The following NAE1 variants were observed in gnomAD, a reference collection of about 807,000 sequenced individuals.
The protein encoded by NAE1 is NEDD8-activating enzyme E1 regulatory subunit.
In NAE1, 59 loss-of-function variants were observed where a neutral mutation model predicts 88.0. The ratio of observed to expected loss-of-function variants is 0.67; its 90% CI spans 0.54 to 0.83. NAE1 has a LOEUF of 0.83. NAE1 is among the 40% of genes least tolerant of loss of function. The probability of loss-of-function intolerance (pLI) is 0.00; values close to 1 mark genes in which losing one functional copy is unlikely to be tolerated. For missense variants in NAE1, 554 were observed against 632.8 expected (o/e 0.88, Z 1.34); for synonymous variants, 186 against 208.9 (o/e 0.89, Z 0.95).
chr16:66,806,313 C>T (rs1959561712), intron 17 of NAE1, among the ~76,000 whole-genome samples: 1 of 152,130 alleles, frequency 6.6e-6, no homozygotes, highest in Non-Finnish European at 1.5e-5. Flanking sequence ...GATAGAAGAA[C>T]TTAATGAATG....
At chr16:66,805,667 T>A in intron 19 of NAE1, 110 bp downstream of exon 19, 16 of 819,436 alleles carry the variant, frequency 2.0e-5, no homozygotes, top group Non-Finnish European at 2.2e-5. Flanking sequence ...AAATATAACA[T>A]CCTGCTTCAC....
intron 6 of NAE1, among the ~76,000 whole-genome samples, chr16:66,822,005 GACC>G (rs2145343530): frequency 6.6e-6 from 1 of 152,136 alleles, no homozygotes; most frequent in South Asian, 2.1e-4. Flanking sequence ...GAGTAGCTGG[GACC>G]ACAAGCAGGC....
At chr16:66,828,754 G>A (rs1960572124) in intron 1 of NAE1, among the ~76,000 whole-genome samples, 1 of 152,134 alleles carries the variant, frequency 6.6e-6, no homozygotes, top group Non-Finnish European at 1.5e-5. Flanking sequence ...CACTTTGGGA[G>A]GCTGAGGCAG....
At chr16:66,830,580 G>A (rs1425661589) in intron 1 of NAE1, among the ~76,000 whole-genome samples, 4 of 152,206 alleles carry the variant, frequency 2.6e-5, no homozygotes, top group South Asian at 2.1e-4. Flanking sequence ...CAACGGGGCC[G>A]GCAGCCGCCT....
intron 11 of NAE1, among the ~76,000 whole-genome samples, chr16:66,814,628 CAA>C: frequency 6.7e-6 from 1 of 149,646 alleles, no homozygotes; most frequent in South Asian, 2.2e-4. Flanking sequence ...CACACACACA[CAA>C]ATCATAGGCT....
intron 1 of NAE1, among the ~76,000 whole-genome samples, chr16:66,829,555 T>A (rs1432670307): frequency 6.6e-6 from 1 of 152,196 alleles, no homozygotes; most frequent in Admixed American, 6.5e-5. Flanking sequence ...GCCTAAAGCC[T>A]CTACTACAGC....
chr16:66,816,837 T>C, intron 10 of NAE1, 128 bp downstream of exon 10: 1 of 1,452,702 alleles, frequency 6.9e-7, no homozygotes, highest in East Asian at 2.3e-5. Flanking sequence ...TCTTAACTTC[T>C]CCAGAAGGAA....
chr16:66,818,222 AT>A (rs968505373), intron 8 of NAE1, among the ~76,000 whole-genome samples: 2 of 151,156 alleles, frequency 1.3e-5, no homozygotes, highest in Non-Finnish European at 1.5e-5. Context: ...ATTCTTTCTA[AT>A]TTTTTTTTGG....
chr16:66,812,446 G>A (rs1013984555), intron 13 of NAE1, among the ~76,000 whole-genome samples: 5 of 151,282 alleles, frequency 3.3e-5, no homozygotes, highest in African/African-American at 7.3e-5. Flanking sequence ...CCTCCTAGGC[G>A]TATGTGGTAA....
rs1960092796 is a variant in NAE1 at position 66,817,457 on chromosome 16, T to C, written c.652A>G (p.Ile218Val). 6.2e-7 allele frequency: 1 copy of C among 1,604,116 alleles called. No homozygotes were observed. The highest frequency in any genetic ancestry group is 8.5e-7 in the Non-Finnish European group (1 of 1,175,822). ...DHSHTPWIVI[I>V]AKYLAQWYSE... Reference sequence around the variant, plus strand: ...TACCACTGTGCTAAATATTTAGCTATGATCACAATCCATGGAGTATGACTG... The same window carrying C: ...TACCACTGTGCTAAATATTTAGCTACGATCACAATCCATGGAGTATGACTG... The change falls in exon 9 of 20, where the codon ATA becomes GTA. Residue 218 changes from isoleucine to valine, a missense_variant. Coordinates refer to ENST00000290810, the MANE Select transcript of NAE1 (RefSeq NM_003905.4).
In NAE1 at chr16:66,813,796, G is replaced by A. The variant is rs908914163; in HGVS notation, c.891C>T (p.Ile297=). 3.1e-6 allele frequency: 5 copies of A among 1,613,780 alleles called. No individual in the cohort carries two copies. The highest frequency in any genetic ancestry group is 8.5e-7 in the Non-Finnish European group (1 of 1,179,852). The part of the protein sequence containing the change: ...DIFNDDRCIN[I]TKQTPSFWIL... ...CTTTTGTTGTTGTTACCTGTTTGGT[G>A]ATATTTATGCAGCGATCATCATTAA... Residue 297 remains isoleucine, a synonymous_variant, in exon 12 of 20, where the codon ATC becomes ATT. Coordinates refer to ENST00000290810, the MANE Select transcript of NAE1 (RefSeq NM_003905.4).
At chr16:66,813,291 C>T (rs1959892874) in intron 13 of NAE1, 1 of 325,960 alleles carries the variant, frequency 3.1e-6, no homozygotes, top group African/African-American at 2.2e-5. Context: ...TAAAGGCGAA[C>T]ACTACCATGC....
intron 1 of NAE1, among the ~76,000 whole-genome samples, chr16:66,828,384 G>T (rs972895858): frequency 1.3e-5 from 2 of 151,974 alleles, no homozygotes; most frequent in African/African-American, 4.8e-5. Flanking sequence ...CCAGCTACTA[G>T]GGAGGCTGAG....
At chr16:66,817,120 T>G in intron 9 of NAE1, 92 bp from the exon 10 acceptor site, 2 of 1,431,518 alleles carry the variant, frequency 1.4e-6, no homozygotes, top group Non-Finnish European at 1.9e-6. Flanking sequence ...CTACATAAGA[T>G]TTCATCAACA....
At chr16:66,819,208 C>T (rs1456752822) in intron 7 of NAE1, among the ~76,000 whole-genome samples, 1 of 152,090 alleles carries the variant, frequency 6.6e-6, no homozygotes, top group African/African-American at 2.4e-5. Context: ...ATTGACAAAC[C>T]CTAGGTACAG....
Position 66,805,557 on chromosome 16 carries a change from G to A in NAE1, c.1495+220C>T, listed in dbSNP as rs1959529930. The stretch of plus-strand genomic sequence containing the variant: ...AGGAGGCGGAGGCGAGAGATCACTT[G>A]AGCCCAGGAGTTTGAGGTTGCAGCG... On this transcript the variant is annotated intron_variant, in intron 19 of 19. Transcript: ENST00000290810. 9 of 393,714 alleles carry A rather than the reference G, an allele frequency of 2.3e-5. No homozygotes were observed. In the South Asian group the frequency reaches 1.1e-3, roughly 49 times the overall value. The allele number at this position is 393,714 out of a possible 1,614,324, so 24.4% of individuals were successfully genotyped here. A position where few individuals can be genotyped will look rare whatever the true frequency, so the allele number is the denominator to read the frequency against.
At chr16:66,814,927 CAA>C (rs2145328592) in intron 11 of NAE1, among the ~76,000 whole-genome samples, 1 of 152,294 alleles carries the variant, frequency 6.6e-6, no homozygotes, top group Admixed American at 6.5e-5. Context: ...GATGCTTGAA[CAA>C]AAGTCAAGCT....
At chr16:66,821,813 C>T (rs576730504) in intron 6 of NAE1, among the ~76,000 whole-genome samples, 4 of 152,198 alleles carry the variant, frequency 2.6e-5, no homozygotes, top group South Asian at 2.1e-4. Context: ...TAAGGAGAAA[C>T]GTTAAAGAAA....
intron 17 of NAE1, among the ~76,000 whole-genome samples, chr16:66,806,574 G>A (rs375472835): frequency 8.6e-5 from 13 of 152,002 alleles, no homozygotes; most frequent in Non-Finnish European, 1.8e-4. Context: ...ACAGGAGTGC[G>A]CCACCACACA....
Sources: gnomAD v4.1 joint callset for allele counts (sites outside exome capture counted in the v4.1 genomes callset) on GRCh38, gnomAD v4.1.1 for gene constraint, MANE v1.5 for transcripts, NCBI Gene and HGNC (gene_info 2026-07-23, HGNC 2026-07-21) for gene names.